Variants in EGFR observed in about 807,000 individuals in gnomAD.
The protein encoded by EGFR is epidermal growth factor receptor.
A neutral mutation model predicts 143.0 loss-of-function variants in EGFR; 58 were observed. That is an observed-to-expected ratio of 0.41 (90% CI 0.33 to 0.50). The LOEUF (loss-of-function observed/expected upper bound fraction) is 0.50. Ranked by LOEUF, EGFR falls within the 20% of genes least tolerant of loss-of-function variation. The probability of loss-of-function intolerance (pLI) is 0.39; values close to 1 mark genes in which losing one functional copy is unlikely to be tolerated. For synonymous variants in EGFR, 613 were observed against 594.4 expected, an observed-to-expected ratio of 1.03 and a Z score of -0.45; for missense variants, 1,307 against 1,579.0, an observed-to-expected ratio of 0.83 and a Z score of 2.92.
At chr7:55,118,309 A>G (rs1192148283) in intron 1 of EGFR, among the ~76,000 whole-genome samples, 2 of 152,196 alleles carry the variant, frequency 1.3e-5, no homozygotes, top group Non-Finnish European at 2.9e-5. Context: ...GCCCTCCTAG[A>G]ATCTCAGAAT....
chr7:55,050,455 T>C (rs1405118757), intron 1 of EGFR, among the ~76,000 whole-genome samples: 1 of 152,242 alleles, frequency 6.6e-6, no homozygotes, highest in Non-Finnish European at 1.5e-5. Context: ...TGGTACTCTT[T>C]TGTACGTGTG....
chr7:55,202,986 TTC>T (rs1787920615), intron 27 of EGFR: 2 of 532,350 alleles, frequency 3.8e-6, no homozygotes, highest in South Asian at 5.7e-5. Flanking sequence ...TTGATCCCTG[TTC>T]TCTCTGCTGG....
intron 1 of EGFR, among the ~76,000 whole-genome samples, chr7:55,063,184 G>T (rs17335884): frequency 6.6e-6 from 1 of 152,138 alleles, no homozygotes; most frequent in Non-Finnish European, 1.5e-5. Flanking sequence ...AGAAATATGT[G>T]CCCGGAAGCA....
At chr7:55,138,567 C>T (rs1026764568) in intron 1 of EGFR, among the ~76,000 whole-genome samples, 1 of 152,190 alleles carries the variant, frequency 6.6e-6, no homozygotes. Flanking sequence ...CAGATCCAAA[C>T]ATCTCAGTTT....
intron 20 of EGFR, among the ~76,000 whole-genome samples, chr7:55,190,317 G>A (rs980112279): frequency 1.3e-5 from 2 of 152,288 alleles, no homozygotes; most frequent in South Asian, 2.1e-4. Flanking sequence ...GTCATGAGAC[G>A]TGGGTGTCAG....
chr7:55,074,838 G>A (rs1205563442), intron 1 of EGFR, among the ~76,000 whole-genome samples: 1 of 152,198 alleles, frequency 6.6e-6, no homozygotes, highest in Non-Finnish European at 1.5e-5. Flanking sequence ...CAAGCACGGT[G>A]TTCTCTTTGG....
In EGFR at chr7:55,035,823, T is replaced by A. The variant is rs567571815; in HGVS notation, c.88+16458T>A. ...TTTTTATTTTTAAAGAATTGCACAT[T>A]CACAGGAAGTTGCAAAAAATCTACT... is the stretch of plus-strand genomic sequence containing the variant. On this transcript the variant is annotated intron_variant, in intron 1 of 27. Coordinates refer to ENST00000275493, the MANE Select transcript of EGFR (RefSeq NM_005228.5). 9.2e-5 allele frequency among the ~76,000 whole-genome samples: 14 copies of A among 152,306 alleles called. No homozygotes were observed. The East Asian group carries it at 1.2e-3, about 13-fold the overall frequency.
chr7:55,127,708 AAAC>A (rs1188784349), intron 1 of EGFR, among the ~76,000 whole-genome samples: 1 of 152,204 alleles, frequency 6.6e-6, no homozygotes, highest in Non-Finnish European at 1.5e-5. Flanking sequence ...GGGCCAGAAT[AAAC>A]AACTTCAGGA....
chr7:55,098,506 CT>C (rs1202822998), intron 1 of EGFR, among the ~76,000 whole-genome samples: 13 of 151,986 alleles, frequency 8.6e-5, no homozygotes, highest in African/African-American at 2.9e-4. Flanking sequence ...AAAAAAAAAC[CT>C]TAAGGCATCA....
At chr7:55,168,576 CTTTCTACAATTTCAA>C in intron 15 of EGFR, 1 of 1,612,074 alleles carries the variant, frequency 6.2e-7, no homozygotes, top group Non-Finnish European at 8.5e-7. Flanking sequence ...ACTGCATTTC[CTTTCTACAATTTCAA>C]TTTCTCCCTT....
intron 1 of EGFR, among the ~76,000 whole-genome samples, chr7:55,036,998 G>C (rs1012579872): frequency 6.6e-6 from 1 of 152,184 alleles, no homozygotes; most frequent in African/African-American, 2.4e-5. Flanking sequence ...ACCCCTTGGT[G>C]AAGGAAAGCT....
At chr7:55,130,311 T>C (rs1445004537) in intron 1 of EGFR, among the ~76,000 whole-genome samples, 1 of 152,184 alleles carries the variant, frequency 6.6e-6, no homozygotes, top group Non-Finnish European at 1.5e-5. Flanking sequence ...AGGGATAATA[T>C]ATTCTAGAAA....
chr7:55,062,830 A>G (rs909729347), intron 1 of EGFR, among the ~76,000 whole-genome samples: 1 of 152,104 alleles, frequency 6.6e-6, no homozygotes, highest in Non-Finnish European at 1.5e-5. Flanking sequence ...CTTTTAATAC[A>G]AAGTTTGTGC....
chr7:55,110,530 G>A lies in EGFR; in HGVS notation c.89-31756G>A, dbSNP rs1792413202. Among the ~76,000 whole-genome samples, 4 of 152,184 alleles carry A rather than the reference G, an allele frequency of 2.6e-5. No individual in the cohort carries two copies. In the South Asian group the frequency reaches 6.2e-4, roughly 24 times the overall value. On this transcript the variant is annotated intron_variant, in intron 1 of 27. Coordinates refer to ENST00000275493, the MANE Select transcript of EGFR (RefSeq NM_005228.5). The stretch of plus-strand genomic sequence containing the variant: ...TGACCCCGATGATTTATAGGCCTTT[G>A]TTTCCCATGTTAAATGTCTTACGAT...
intron 1 of EGFR, among the ~76,000 whole-genome samples, chr7:55,125,126 G>A (rs1486952017): frequency 6.6e-6 from 1 of 152,208 alleles, no homozygotes; most frequent in South Asian, 2.1e-4. Context: ...CACTCTCAGT[G>A]GTGGGACTCC....
intron 1 of EGFR, among the ~76,000 whole-genome samples, chr7:55,108,925 C>T (rs994983396): frequency 4.6e-5 from 7 of 152,152 alleles, no homozygotes; most frequent in African/African-American, 1.7e-4. Flanking sequence ...AGTTGCTGTT[C>T]TTTTGGAGCT....
At chr7:55,057,008 T>A (rs6593202) in intron 1 of EGFR, among the ~76,000 whole-genome samples, 43 of 152,292 alleles carry the variant, frequency 2.8e-4, no homozygotes, top group Admixed American at 1.2e-3. Context: ...CCCCGCAGAG[T>A]GGTTGAAGGC....
In EGFR at chr7:55,157,674, A is replaced by G. The variant is rs1179620001; in HGVS notation, c.1219A>G (p.Ile407Val). 8 of 1,614,242 alleles carry G rather than the reference A, an allele frequency of 5.0e-6. No homozygotes were observed. The highest frequency in any genetic ancestry group is 5.9e-6 in the Non-Finnish European group (7 of 1,180,034). ...TVKEITGFLL[I>V]QAWPENRTDL... ...CATCTGCCTTACAGGGTTTTTGCTGATTCAGGCTTGGCCTGAAAACAGGAC... is the reference window on the plus strand; with the variant it reads ...CATCTGCCTTACAGGGTTTTTGCTGGTTCAGGCTTGGCCTGAAAACAGGAC... Residue 407 changes from isoleucine (I) to valine (V), a missense_variant, in exon 11 of 28, where the codon ATT becomes GTT. This residue lies in a region of EGFR where 250 missense variants were observed against 295.1 expected (regional missense o/e 0.85). Coordinates refer to ENST00000275493, the MANE Select transcript of EGFR (RefSeq NM_005228.5).
At chr7:55,148,105 C>T (rs865847445) in intron 4 of EGFR, among the ~76,000 whole-genome samples, 1 of 152,136 alleles carries the variant, frequency 6.6e-6, no homozygotes, top group African/African-American at 2.4e-5. Flanking sequence ...TATTGAGGCT[C>T]TTTGTTTTAT....
Sources: allele counts gnomAD v4.1 joint callset (sites outside exome capture counted in the v4.1 genomes callset), GRCh38; gene constraint gnomAD v4.1.1; regional missense constraint gnomAD v4.1.1; transcripts MANE v1.5; gene names NCBI Gene and HGNC (gene_info 2026-07-23, HGNC 2026-07-21).